The following GRM7 variants were observed in gnomAD, a reference collection of about 807,000 sequenced individuals.
The protein encoded by GRM7 is metabotropic glutamate receptor 7.
A neutral mutation model predicts 84.5 loss-of-function variants in GRM7; 35 were observed. The observed-to-expected ratio is 0.41, with a 90% CI of 0.32 to 0.55. The LOEUF is 0.55. Among genes scored for constraint, GRM7 ranks in the 20% least tolerant of loss-of-function variants. GRM7 has a pLI of 0.19. For synonymous variants in GRM7, 487 were observed against 455.1 expected, an observed-to-expected ratio of 1.07 and a Z score of -0.89; for missense variants, 1,003 against 1,194.6, an observed-to-expected ratio of 0.84 and a Z score of 2.36.
Position 7,343,088 on chromosome 3 carries a change from G to A in GRM7, c.1033+36436G>A, listed in dbSNP as rs531929848. On this transcript the variant is annotated intron_variant, in intron 4 of 9. Coordinates refer to ENST00000357716, the MANE Select transcript of GRM7 (RefSeq NM_000844.4). Reference sequence around the variant, plus strand: ...TGACTCAGTTTAGAGCTATGTACATGGCAGCTACCCAAATGCTCAGTGTAT... The same window carrying A: ...TGACTCAGTTTAGAGCTATGTACATAGCAGCTACCCAAATGCTCAGTGTAT... 3.9e-5 allele frequency among the ~76,000 whole-genome samples: 6 copies of A among 152,224 alleles called. No homozygotes were observed. The South Asian group carries it at 1.2e-3, about 32-fold the overall frequency.
chr3:7,144,118 A>G (rs1321296770), intron 1 of GRM7, among the ~76,000 whole-genome samples: 5 of 152,226 alleles, frequency 3.3e-5, no homozygotes, highest in Non-Finnish European at 7.3e-5. Flanking sequence ...TGATGTGAAC[A>G]GAAGTCAGCC....
chr3:7,660,249 G>T (rs1484851490), intron 8 of GRM7, among the ~76,000 whole-genome samples: 1 of 152,156 alleles, frequency 6.6e-6, no homozygotes, highest in East Asian at 1.9e-4. Flanking sequence ...CAGTAGCAGG[G>T]CAGCCTAACA....
At chr3:7,296,299 A>G (rs974446838) in intron 2 of GRM7, among the ~76,000 whole-genome samples, 7 of 152,074 alleles carry the variant, frequency 4.6e-5, no homozygotes, top group Non-Finnish European at 1.0e-4. Flanking sequence ...TTGTTAACAT[A>G]TTTTTAAGAA....
intron 8 of GRM7, among the ~76,000 whole-genome samples, chr3:7,599,338 T>C (rs984111827): frequency 6.6e-6 from 1 of 152,190 alleles, no homozygotes; most frequent in Non-Finnish European, 1.5e-5. Context: ...TTCATAAAAC[T>C]GAAATACATT....
chr3:7,443,755 A>C (rs1354241334), intron 5 of GRM7, among the ~76,000 whole-genome samples: 1 of 152,154 alleles, frequency 6.6e-6, no homozygotes, highest in African/African-American at 2.4e-5. Context: ...AACACATAGA[A>C]TCTGTTTCTT....
intron 1 of GRM7, among the ~76,000 whole-genome samples, chr3:6,953,126 G>A (rs375234008): frequency 1.3e-5 from 2 of 152,210 alleles, no homozygotes; most frequent in African/African-American, 4.8e-5. Flanking sequence ...TGTTTCCAAT[G>A]TGCTGCAGAC....
At chr3:7,130,953 A>T (rs997303883) in intron 1 of GRM7, among the ~76,000 whole-genome samples, 1 of 152,194 alleles carries the variant, frequency 6.6e-6, no homozygotes, top group African/African-American at 2.4e-5. Context: ...ACACACACAC[A>T]CACACACGCA....
At chr3:7,713,759 T>C (rs1361351899) in intron 9 of GRM7, among the ~76,000 whole-genome samples, 1 of 149,354 alleles carries the variant, frequency 6.7e-6, no homozygotes, top group African/African-American at 2.4e-5. Flanking sequence ...AATTTGCTCC[T>C]GGGATGCTCT....
At chr3:7,468,793 C>A (rs1698569315) in intron 7 of GRM7, among the ~76,000 whole-genome samples, 1 of 152,092 alleles carries the variant, frequency 6.6e-6, no homozygotes, top group Non-Finnish European at 1.5e-5. Context: ...CTGGCATTTC[C>A]ACTGCTTTCA....
intron 4 of GRM7, among the ~76,000 whole-genome samples, chr3:7,337,398 C>T (rs1379918136): frequency 6.6e-6 from 1 of 152,036 alleles, no homozygotes; most frequent in African/African-American, 2.4e-5. Flanking sequence ...GCAACAAAGA[C>T]AAATATAAGT....
At chr3:7,177,217 A>G (rs1000680353) in intron 2 of GRM7, among the ~76,000 whole-genome samples, 1 of 152,204 alleles carries the variant, frequency 6.6e-6, no homozygotes, top group African/African-American at 2.4e-5. Context: ...ATAGCCTTTA[A>G]GGCTCTTAGA....
At chr3:7,196,271 T>C (rs994217873) in intron 2 of GRM7, among the ~76,000 whole-genome samples, 1 of 152,152 alleles carries the variant, frequency 6.6e-6, no homozygotes, top group African/African-American at 2.4e-5. Context: ...ACACCCACAT[T>C]GTGGAGGACA....
At chr3:7,093,819 T>C (rs1364656411) in intron 1 of GRM7, among the ~76,000 whole-genome samples, 2 of 151,314 alleles carry the variant, frequency 1.3e-5, no homozygotes, top group African/African-American at 4.9e-5. Flanking sequence ...GAATACTTAC[T>C]ATGTAGTGGA....
chr3:7,376,975 C>T (rs1499208), intron 4 of GRM7, among the ~76,000 whole-genome samples: 1 of 151,988 alleles, frequency 6.6e-6, no homozygotes, highest in Non-Finnish European at 1.5e-5. Flanking sequence ...CCAAACGTCC[C>T]CTGGGGGACG....
At chr3:7,414,189 G>A (rs533048740) in intron 4 of GRM7, among the ~76,000 whole-genome samples, 2 of 152,250 alleles carry the variant, frequency 1.3e-5, no homozygotes, top group South Asian at 2.1e-4. Context: ...AAGTATTTGG[G>A]AAGTAAGTCC....
At chr3:7,201,555 A>T (rs565504062) in intron 2 of GRM7, among the ~76,000 whole-genome samples, 2 of 152,298 alleles carry the variant, frequency 1.3e-5, no homozygotes, top group African/African-American at 4.8e-5. Context: ...AAACGCTGAT[A>T]GTAATGGCCA....
At chr3:7,099,231 TATACATGTATATATGA>T (rs1051163052) in intron 1 of GRM7, among the ~76,000 whole-genome samples, 6 of 115,682 alleles carry the variant, frequency 5.2e-5, no homozygotes, top group South Asian at 2.3e-4. Context: ...ATACATGTAT[TATACATGTATATATGA>T]ATACATGTAT....
chr3:6,933,043 C>T (rs1272624899), intron 1 of GRM7, among the ~76,000 whole-genome samples: 2 of 152,012 alleles, frequency 1.3e-5, no homozygotes, highest in Admixed American at 6.6e-5. Context: ...GCATGAGCCA[C>T]CGTGCCTAGC....
intron 1 of GRM7, among the ~76,000 whole-genome samples, chr3:6,989,147 A>C (rs1316142916): frequency 2.0e-5 from 3 of 152,196 alleles, no homozygotes; most frequent in Non-Finnish European, 4.4e-5. Flanking sequence ...TTTTTACACA[A>C]AGCATTTTAC....
Sources: gnomAD v4.1 joint callset for allele counts (sites outside exome capture counted in the v4.1 genomes callset) on GRCh38, gnomAD v4.1.1 for gene constraint, MANE v1.5 for transcripts, NCBI Gene and HGNC (gene_info 2026-07-23, HGNC 2026-07-21) for gene names.